The following SLC44A1 variants were observed in gnomAD, a reference collection of about 807,000 sequenced individuals.
SLC44A1 encodes solute carrier family 44 member 1, also known as choline transporter-like protein 1.
A neutral mutation model predicts 79.3 loss-of-function variants in SLC44A1; 26 were observed. The observed-to-expected ratio is 0.33, with a 90% confidence interval of 0.24 to 0.46. The LOEUF is 0.46. Ranked by LOEUF, SLC44A1 falls within the 20% of genes least tolerant of loss-of-function variation. The pLI is 1.00. For synonymous variants in SLC44A1, 263 were observed against 286.2 expected (o/e 0.92, Z 0.82); for missense variants, 688 against 798.1 (o/e 0.86, Z 1.66).
chr9:105,418,573 G>A (rs1166278241), intron 15 of SLC44A1, among the ~76,000 whole-genome samples: 3 of 152,154 alleles, frequency 2.0e-5, no homozygotes, highest in Non-Finnish European at 2.9e-5. Context: ...GAGTCTGACA[G>A]TCATTAACTA....
chr9:105,342,993 T>C (rs1553870), intron 4 of SLC44A1, among the ~76,000 whole-genome samples: 4 of 150,734 alleles, frequency 2.7e-5, no homozygotes, highest in African/African-American at 7.3e-5. Flanking sequence ...AAAAAATATA[T>C]ATATATAAAT....
intron 5 of SLC44A1, among the ~76,000 whole-genome samples, chr9:105,352,084 G>A (rs1259639819): frequency 6.6e-6 from 1 of 151,998 alleles, no homozygotes; most frequent in African/African-American, 2.4e-5. Flanking sequence ...AACATAGCAA[G>A]ACCCTCTCTC....
At chr9:105,267,690 A>G (rs1829992757) in intron 1 of SLC44A1, among the ~76,000 whole-genome samples, 1 of 152,026 alleles carries the variant, frequency 6.6e-6, no homozygotes, top group Non-Finnish European at 1.5e-5. Context: ...CAACTGCATC[A>G]TCTTTTTCTT....
chr9:105,245,380 G>A (rs1223128572), intron 1 of SLC44A1, among the ~76,000 whole-genome samples: 3 of 152,198 alleles, frequency 2.0e-5, no homozygotes, highest in Non-Finnish European at 4.4e-5. Flanking sequence ...CTCTCCCACC[G>A]AATTCCAGTT....
intron 1 of SLC44A1, among the ~76,000 whole-genome samples, chr9:105,293,689 A>G (rs866001056): frequency 6.6e-6 from 1 of 152,362 alleles, no homozygotes; most frequent in Middle Eastern, 3.4e-3. Flanking sequence ...TGTTTATAAC[A>G]TATCACTTAC....
intron 1 of SLC44A1, among the ~76,000 whole-genome samples, chr9:105,246,232 A>G (rs1050349869): frequency 2.6e-5 from 4 of 152,218 alleles, no homozygotes; most frequent in Non-Finnish European, 5.9e-5. Context: ...CTAAATGACT[A>G]TATATAACTC....
chr9:105,253,340 AGTTT>A (rs1225427139), intron 1 of SLC44A1, among the ~76,000 whole-genome samples: 7 of 152,312 alleles, frequency 4.6e-5, no homozygotes, highest in East Asian at 1.9e-4. Flanking sequence ...AAGGTATTAA[AGTTT>A]GTTTGTTTTT....
At chr9:105,262,117 T>G (rs1327430047) in intron 1 of SLC44A1, among the ~76,000 whole-genome samples, 1 of 152,118 alleles carries the variant, frequency 6.6e-6, no homozygotes, top group Non-Finnish European at 1.5e-5. Context: ...ATTAGTATAG[T>G]TTACAAGGTG....
intron 1 of SLC44A1, among the ~76,000 whole-genome samples, chr9:105,256,679 G>A (rs1256578462): frequency 1.3e-5 from 2 of 150,874 alleles, no homozygotes; most frequent in Admixed American, 6.6e-5. Flanking sequence ...CCTCCTGGTT[G>A]AGCTTCCCAA....
chr9:105,361,803 A>G (rs1487907777), intron 8 of SLC44A1, among the ~76,000 whole-genome samples: 1 of 152,208 alleles, frequency 6.6e-6, no homozygotes, highest in Non-Finnish European at 1.5e-5. Context: ...CTATAATGCA[A>G]GCACTTTGGG....
At position 105,365,535 on chromosome 9, in the gene SLC44A1, A is replaced by G. The variant is rs149543662; in HGVS notation, c.1306A>G (p.Ile436Val). The G allele has an allele frequency of 2.5e-4, 408 of 1,613,376 alleles. No homozygotes were observed. The highest frequency in any genetic ancestry group is 3.4e-4 in the Non-Finnish European group (398 of 1,179,468). The change falls in exon 11 of 16, where the codon ATT becomes GTT. Residue 436 changes from isoleucine to valine, a missense_variant. Coordinates refer to ENST00000374720, the MANE Select transcript of SLC44A1 (RefSeq NM_080546.5). The stretch of plus-strand genomic sequence containing the variant: ...TATTTTGGCATCAGTAAATCGCCTT[A>G]TTCGTTACCACCTAGGTACGGTGGC... ...TPILASVNRLIRYHLGTVAKG... is the reference protein window; with the variant it reads ...TPILASVNRLVRYHLGTVAKG...
At chr9:105,340,403 A>G (rs193152398) in intron 4 of SLC44A1, among the ~76,000 whole-genome samples, 4 of 152,288 alleles carry the variant, frequency 2.6e-5, no homozygotes, top group Non-Finnish European at 1.5e-5. Context: ...ATATTGTCTA[A>G]TGGGTGAAGA....
chr9:105,385,932 C>A (rs533772745), intron 15 of SLC44A1: 3 of 985,230 alleles, frequency 3.0e-6, no homozygotes, highest in Non-Finnish European at 2.4e-6. Flanking sequence ...ATTCATACTC[C>A]CCCTTTTAAA....
chr9:105,302,687 A>G (rs1830912486), intron 2 of SLC44A1, among the ~76,000 whole-genome samples: 1 of 152,068 alleles, frequency 6.6e-6, no homozygotes, highest in South Asian at 2.1e-4. Flanking sequence ...AAAAAAAAAA[A>G]AAACCTAATT....
chr9:105,395,494 C>T lies in SLC44A1; in HGVS notation c.*6438C>T, dbSNP rs2131491744. ...TCAGCCTCCCAAAGTGCTGGGATTA[C>T]AGGCATGAGCCACCGCGCCCGGCCT... On this transcript the variant is annotated 3_prime_UTR_variant, in exon 16 of 16. Transcript: ENST00000374720. The T allele has an allele frequency of 2.1e-6, 2 of 971,848 alleles. No individual in the cohort carries two copies. The highest frequency in any genetic ancestry group is 2.4e-6 in the Non-Finnish European group (2 of 817,578). 60.2% of individuals were successfully genotyped at this position (971,848 alleles called of 1,614,324 possible).
chr9:105,351,191 G>A (rs989162470), intron 5 of SLC44A1, among the ~76,000 whole-genome samples: 2 of 152,180 alleles, frequency 1.3e-5, no homozygotes, highest in African/African-American at 4.8e-5. Flanking sequence ...TGCCAGAAAG[G>A]TTACTAGGTG....
intron 3 of SLC44A1, among the ~76,000 whole-genome samples, chr9:105,330,561 T>A (rs1032349630): frequency 6.6e-6 from 1 of 152,192 alleles, no homozygotes; most frequent in Non-Finnish European, 1.5e-5. Context: ...GCTTTAAAAG[T>A]CACTTCTTTT....
chr9:105,422,130 A>G (rs890680194), intron 15 of SLC44A1, among the ~76,000 whole-genome samples: 1 of 152,108 alleles, frequency 6.6e-6, no homozygotes, highest in Non-Finnish European at 1.5e-5. Context: ...TCAGAGTTAC[A>G]TCTAGCAACT....
intron 1 of SLC44A1, chr9:105,294,864 A>AGT (rs1271516410): frequency 1.3e-5 from 1 of 77,208 alleles, no homozygotes; most frequent in African/African-American, 5.2e-5. Context: ...TTAAATTTTG[A>AGT]GTCTGTGTGT....
Sources: gnomAD v4.1 joint callset for allele counts (sites outside exome capture counted in the v4.1 genomes callset) on GRCh38, gnomAD v4.1.1 for gene constraint, MANE v1.5 for transcripts, NCBI Gene and HGNC (gene_info 2026-07-23, HGNC 2026-07-21) for gene names.